PTPRD: variants seen among roughly 807,000 people sequenced by gnomAD.
PTPRD encodes the protein receptor-type tyrosine-protein phosphatase delta.
PTPRD carries 34 observed loss-of-function variants against 214.5 expected under a neutral mutation model. The observed-to-expected ratio is 0.16, with a 90% CI of 0.12 to 0.21. PTPRD has a LOEUF of 0.21. PTPRD is among the 10% of genes least tolerant of loss of function. The pLI is 1.00. For synonymous variants in PTPRD, 1,128 were observed against 845.7 expected, an observed-to-expected ratio of 1.33 and a Z score of -5.79; for missense variants, 2,545 against 2,398.7, an observed-to-expected ratio of 1.06 and a Z score of -1.27.
intron 34 of PTPRD, among the ~76,000 whole-genome samples, chr9:8,441,051 T>C (rs942225447): frequency 2.6e-5 from 4 of 152,100 alleles, no homozygotes; most frequent in African/African-American, 9.7e-5. Context: ...TCTCCACAGA[T>C]GGAATGGGCT....
Position 9,031,321 on chromosome 9 carries a change from C to T in PTPRD, c.-142-12586G>A, listed in dbSNP as rs191063934. On this transcript the variant is annotated intron_variant, in intron 10 of 45. Transcript: ENST00000381196. ...AATGACAGCGATTTATTCTGAGAAACGCATTGTTAGGCAATTCTGTTGTTG... is the reference window on the plus strand; with the variant it reads ...AATGACAGCGATTTATTCTGAGAAATGCATTGTTAGGCAATTCTGTTGTTG... Among the ~76,000 whole-genome samples, 27 of 152,040 alleles carry T rather than the reference C, an allele frequency of 1.8e-4. No homozygotes were observed. In the East Asian group the frequency reaches 3.3e-3, roughly 19 times the overall value.
At chr9:9,090,526 A>T (rs1349527075) in intron 10 of PTPRD, among the ~76,000 whole-genome samples, 1 of 152,156 alleles carries the variant, frequency 6.6e-6, no homozygotes, top group Non-Finnish European at 1.5e-5. Context: ...TCATTCTAGT[A>T]TTTCCACAGA....
rs1408675961 is a variant in PTPRD at position 10,546,748 on chromosome 9, ATATAAAAG to A, written c.-600+65642_-600+65649del. Among the ~76,000 whole-genome samples the A allele has an allele frequency of 6.6e-5, 10 of 152,242 alleles. No homozygotes were observed. In the South Asian group the frequency reaches 2.1e-3, roughly 32 times the overall value. ...GCCCTATAGAAAGGGTTCTAGCAAC[ATATAAAAG>A]TATAGTTTGCAAGAGGTACATATGA... On this transcript the variant is annotated intron_variant, in intron 2 of 45. Transcript: ENST00000381196.
chr9:8,938,744 G>T (rs2099013551), intron 11 of PTPRD, among the ~76,000 whole-genome samples: 1 of 151,930 alleles, frequency 6.6e-6, no homozygotes, highest in Admixed American at 6.6e-5. Flanking sequence ...TTACTCTGAA[G>T]ATTCTAACCT....
At chr9:9,929,635 G>A (rs1450057376) in intron 5 of PTPRD, among the ~76,000 whole-genome samples, 1 of 152,062 alleles carries the variant, frequency 6.6e-6, no homozygotes, top group African/African-American at 2.4e-5. Context: ...CTCGTGATCT[G>A]CCCACCTCAG....
At chr9:8,551,767 T>A (rs574141075) in intron 14 of PTPRD, among the ~76,000 whole-genome samples, 2 of 152,330 alleles carry the variant, frequency 1.3e-5, no homozygotes, top group East Asian at 3.9e-4. Flanking sequence ...CCACAAAATG[T>A]TGACTATGAG....
chr9:10,047,058 C>A (rs922695691), intron 3 of PTPRD, among the ~76,000 whole-genome samples: 1 of 151,720 alleles, frequency 6.6e-6, no homozygotes, highest in East Asian at 1.9e-4. Context: ...CTTTTTCTAT[C>A]TTGTATGACA....
intron 4 of PTPRD, among the ~76,000 whole-genome samples, chr9:10,027,677 A>T (rs143556209): frequency 6.6e-6 from 1 of 152,176 alleles, no homozygotes; most frequent in Non-Finnish European, 1.5e-5. Context: ...TGTCATGGTT[A>T]TGGCAAAAAA....
At chr9:8,610,100 A>G (rs2095389738) in intron 14 of PTPRD, among the ~76,000 whole-genome samples, 1 of 152,142 alleles carries the variant, frequency 6.6e-6, no homozygotes, top group Non-Finnish European at 1.5e-5. Flanking sequence ...AGTAGCACAC[A>G]TTTTAAGTAT....
At chr9:9,776,312 C>T (rs1484296931) in intron 5 of PTPRD, among the ~76,000 whole-genome samples, 2 of 152,168 alleles carry the variant, frequency 1.3e-5, no homozygotes, top group East Asian at 1.9e-4. Context: ...CCCTTTCCAT[C>T]TTTATCCTAG....
chr9:9,162,762 C>T (rs1322110020), intron 10 of PTPRD, among the ~76,000 whole-genome samples: 2 of 152,086 alleles, frequency 1.3e-5, no homozygotes, highest in Non-Finnish European at 2.9e-5. Context: ...CCTTTACGGT[C>T]AAAATTCTTG....
At chr9:10,455,329 A>C (rs189232587) in intron 2 of PTPRD, among the ~76,000 whole-genome samples, 146 of 151,750 alleles carry the variant, frequency 9.6e-4, no homozygotes, top group Admixed American at 9.5e-3. Flanking sequence ...GACCTTTAAA[A>C]ATTCCTTCCA....
At chr9:9,552,009 G>T (rs1300155606) in intron 8 of PTPRD, among the ~76,000 whole-genome samples, 1 of 151,944 alleles carries the variant, frequency 6.6e-6, no homozygotes, top group African/African-American at 2.4e-5. Context: ...ATAAGCAAAA[G>T]TATAAAGACA....
chr9:8,694,124 T>A (rs1419816712), intron 12 of PTPRD, among the ~76,000 whole-genome samples: 1 of 152,154 alleles, frequency 6.6e-6, no homozygotes, highest in African/African-American at 2.4e-5. Context: ...CAATGGATAG[T>A]GATGGGATGT....
chr9:10,175,649 T>C (rs1304686466), intron 3 of PTPRD, among the ~76,000 whole-genome samples: 1 of 152,070 alleles, frequency 6.6e-6, no homozygotes, highest in Non-Finnish European at 1.5e-5. Flanking sequence ...CAGATTGTTA[T>C]ATTTAAATAT....
At chr9:10,374,239 A>C (rs1565621492) in intron 2 of PTPRD, among the ~76,000 whole-genome samples, 1 of 152,102 alleles carries the variant, frequency 6.6e-6, no homozygotes, top group Non-Finnish European at 1.5e-5. Context: ...TAATGCATAA[A>C]CAAGTAGAGG....
At chr9:8,364,841 G>T (rs1276881244) in intron 39 of PTPRD, among the ~76,000 whole-genome samples, 1 of 152,208 alleles carries the variant, frequency 6.6e-6, no homozygotes, top group African/African-American at 2.4e-5. Flanking sequence ...TCATGGGCTT[G>T]AAGATCTGGG....
intron 35 of PTPRD, among the ~76,000 whole-genome samples, chr9:8,410,903 C>T (rs942316866): frequency 3.9e-5 from 6 of 152,014 alleles, no homozygotes; most frequent in Non-Finnish European, 7.4e-5. Flanking sequence ...AATCATTCAT[C>T]CATGGCAAGT....
At chr9:9,954,779 C>G (rs1422728770) in intron 4 of PTPRD, among the ~76,000 whole-genome samples, 1 of 151,960 alleles carries the variant, frequency 6.6e-6, no homozygotes, top group Non-Finnish European at 1.5e-5. Flanking sequence ...TAGATTAATA[C>G]AGTAATAGAT....
Sources: gnomAD v4.1 joint callset for allele counts (sites outside exome capture counted in the v4.1 genomes callset) on GRCh38, gnomAD v4.1.1 for gene constraint, MANE v1.5 for transcripts, NCBI Gene and HGNC (gene_info 2026-07-23, HGNC 2026-07-21) for gene names.